The following TMEM44 variants were observed in gnomAD, a reference collection of about 807,000 sequenced individuals.
TMEM44 encodes transmembrane protein 44.
In TMEM44, 43 loss-of-function variants were observed where a neutral mutation model predicts 47.8. That is an observed-to-expected ratio of 0.90 (90% CI 0.70 to 1.16). The LOEUF (loss-of-function observed/expected upper bound fraction) is 1.16. Ranked by LOEUF, TMEM44 falls within the 50% of genes most tolerant of loss-of-function variation. The pLI is 0.00. For synonymous variants in TMEM44, 277 were observed against 238.8 expected, an observed-to-expected ratio of 1.16 and a Z score of -1.48; for missense variants, 568 against 555.2, an observed-to-expected ratio of 1.02 and a Z score of -0.23.
At chr3:194,617,818 A>G (rs759238848) in intron 5 of TMEM44, 53 of 696,394 alleles carry the variant, frequency 7.6e-5, no homozygotes, top group Non-Finnish European at 1.3e-4. Context: ...TATCTCATGA[A>G]TGGTCTGGCA....
chr3:194,597,085 T>TGCGTGCGCACACCCACATGCACAC (rs1713508629), intron 9 of TMEM44: 1 of 151,438 alleles, frequency 6.6e-6, no homozygotes, highest in Non-Finnish European at 1.5e-5. Flanking sequence ...CACATGGGCA[T>TGCGTGCGCACACCCACATGCACAC]GCGTGCACAC....
rs1455308877 is a variant in TMEM44, at chr3:194,591,511, CATAA to C, written c.1177-2876_1177-2873del. ...TTCTGTCTCAAAAAATAAATAAATA[CATAA>C]ATAAGTAAGTAAAAATAAAGTGGTA... is the stretch of plus-strand genomic sequence containing the variant. On this transcript the variant is annotated intron_variant, in intron 9 of 9. Coordinates refer to ENST00000347147, the MANE Select transcript of TMEM44 (RefSeq NM_001011655.3). Among the ~76,000 whole-genome samples the C allele has an allele frequency of 2.6e-3, 394 of 152,132 alleles. 3 individuals carry two copies. Among genetic ancestry groups the C allele is most frequent in the African/African-American group, 8.7e-3 (361 of 41,504 alleles).
At chr3:194,594,157 A>ATCTATCTATCTATCTATCTGTCTGTCTG (rs1354673353) in intron 9 of TMEM44, among the ~76,000 whole-genome samples, 2 of 96,826 alleles carry the variant, frequency 2.1e-5, no homozygotes, top group Non-Finnish European at 4.6e-5. Context: ...CTATCTATCT[A>ATCTATCTATCTATCTATCTGTCTGTCTG]TCTATCTATA....
At chr3:194,593,167 A>T in intron 9 of TMEM44, 1 of 1,342,242 alleles carries the variant, frequency 7.5e-7, no homozygotes, top group Non-Finnish European at 1.1e-6. Context: ...CTGTCTGCTC[A>T]GTGAGCCAGG....
chr3:194,598,996 C>T (rs1194137121), intron 9 of TMEM44, among the ~76,000 whole-genome samples: 1 of 152,164 alleles, frequency 6.6e-6, no homozygotes, highest in African/African-American at 2.4e-5. Context: ...CTGAGGGAAC[C>T]GCAGCCAGCC....
intron 8 of TMEM44, among the ~76,000 whole-genome samples, chr3:194,606,207 CT>C (rs1311029883): frequency 6.6e-6 from 1 of 152,204 alleles, no homozygotes; most frequent in Non-Finnish European, 1.5e-5. Context: ...CATGGGACCC[CT>C]CTGCCCCTCT....
chr3:194,597,222 C>T (rs962255735), intron 9 of TMEM44: 2 of 152,146 alleles, frequency 1.3e-5, no homozygotes, highest in Admixed American at 6.6e-5. Flanking sequence ...GCTTATACCC[C>T]GTCTCTTGCA....
intron 1 of TMEM44, among the ~76,000 whole-genome samples, chr3:194,629,540 G>A (rs991479694): frequency 1.3e-4 from 19 of 151,890 alleles, no homozygotes; most frequent in African/African-American, 4.4e-4. Flanking sequence ...TGTATCTATC[G>A]GCGTCACTGA....
Position 194,588,186 on chromosome 3 carries a change from A to C in TMEM44, c.*343T>G. The C allele has an allele frequency of 4.1e-6, 1 of 241,154 alleles. No homozygotes were observed. The highest frequency in any genetic ancestry group is 8.1e-6 in the Non-Finnish European group (1 of 122,906). 14.9% of individuals were successfully genotyped at this position (241,154 alleles called of 1,614,324 possible). Reference sequence around the variant, plus strand: ...TCTGTTAGGTGAGCTCATTCCTGGAACCTAGCAGGTATTCCGTTCATGGCT... The same window carrying C: ...TCTGTTAGGTGAGCTCATTCCTGGACCCTAGCAGGTATTCCGTTCATGGCT... On this transcript the variant is annotated 3_prime_UTR_variant, in exon 10 of 10. Coordinates refer to ENST00000347147, the MANE Select transcript of TMEM44 (RefSeq NM_001011655.3).
intron 8 of TMEM44, among the ~76,000 whole-genome samples, chr3:194,610,240 T>C (rs1238009615): frequency 6.6e-6 from 1 of 150,850 alleles, no homozygotes; most frequent in Non-Finnish European, 1.5e-5. Flanking sequence ...AAAAAGATGA[T>C]AGACTCCGTG....
chr3:194,622,732 G>A (rs1716692362), intron 5 of TMEM44: 1 of 153,110 alleles, frequency 6.5e-6, no homozygotes, highest in African/African-American at 2.4e-5. Flanking sequence ...TATTTTAGTA[G>A]AGACAGGGTT....
At chr3:194,612,471 C>A (rs1715422485) in intron 7 of TMEM44, among the ~76,000 whole-genome samples, 1 of 152,192 alleles carries the variant, frequency 6.6e-6, no homozygotes, top group South Asian at 2.1e-4. Flanking sequence ...TTCGGAGGGG[C>A]AGTTTTTGTT....
chr3:194,616,425 G>T (rs1715896229), intron 6 of TMEM44: 1 of 374,796 alleles, frequency 2.7e-6, no homozygotes, highest in African/African-American at 2.1e-5. Flanking sequence ...GGATTGGACT[G>T]GGCCCTAACT....
chr3:194,616,198 C>T (rs553286300), intron 6 of TMEM44, among the ~76,000 whole-genome samples: 24 of 152,058 alleles, frequency 1.6e-4, no homozygotes, highest in Non-Finnish European at 3.1e-4. Flanking sequence ...ATTACGGGCA[C>T]CTGCCATCAT....
At chr3:194,605,160 G>GTACC (rs1553829171) in intron 8 of TMEM44, among the ~76,000 whole-genome samples, 5 of 151,510 alleles carry the variant, frequency 3.3e-5, no homozygotes, top group Admixed American at 6.6e-5. Flanking sequence ...ATCTATCTAT[G>GTACC]TATCTATTTA....
At chr3:194,617,039 G>T in intron 6 of TMEM44, 60 bp downstream of exon 6, 1 of 1,429,266 alleles carries the variant, frequency 7.0e-7, no homozygotes, top group Non-Finnish European at 9.2e-7. Flanking sequence ...GCAGTGAGAG[G>T]ACGAGACACA....
Position 194,633,152 on chromosome 3 carries a change from C to T in TMEM44, c.64G>A (p.Ala22Thr). The T allele has an allele frequency of 6.5e-7, 1 of 1,549,190 alleles. No individual in the cohort carries two copies. Residue 22 changes from alanine to threonine, a missense_variant, in exon 1 of 10, where the codon GCC becomes ACC. Transcript: ENST00000347147. ...WDWDYLDRCFARHRVCISFGL... is the reference protein window; with the variant it reads ...WDWDYLDRCFTRHRVCISFGL... ...AAGGAGATGCAGACGCGGTGGCGGGCGAAGCAGCGGTCCAGGTAGTCCCAG... is the reference window on the plus strand; with the variant it reads ...AAGGAGATGCAGACGCGGTGGCGGGTGAAGCAGCGGTCCAGGTAGTCCCAG...
In TMEM44 at chr3:194,623,236, A is replaced by AG. The variant is rs756927109; in HGVS notation, c.599dup (p.Leu201SerfsTer40). 115 of 1,609,876 alleles carry AG rather than the reference A, an allele frequency of 7.1e-5. 2 individuals carry two copies. The South Asian group carries it at 1.0e-3, about 15-fold the overall frequency. On this transcript the variant is annotated frameshift_variant, in exon 5 of 10. Coordinates refer to ENST00000347147, the MANE Select transcript of TMEM44 (RefSeq NM_001011655.3). LOFTEE classifies it high-confidence loss of function. ...CCCCCGGCCTCACAATTCTGGAGAG[A>AG]GGGGGGATCCGAGAAGCCCAGGAGC...
chr3:194,628,808 C>G (rs546796697), intron 1 of TMEM44, among the ~76,000 whole-genome samples: 10 of 152,300 alleles, frequency 6.6e-5, no homozygotes, highest in Admixed American at 2.0e-4. Flanking sequence ...GATGACCCCC[C>G]ACCTAGCACT....
Sources: allele counts gnomAD v4.1 joint callset (sites outside exome capture counted in the v4.1 genomes callset), GRCh38; gene constraint gnomAD v4.1.1; transcripts MANE v1.5; gene names NCBI Gene and HGNC (gene_info 2026-07-23, HGNC 2026-07-21).